KIF3C: variants seen among roughly 807,000 people sequenced by gnomAD.
KIF3C encodes kinesin family member 3C.
In KIF3C, 12 loss-of-function variants were observed where a neutral mutation model predicts 67.7. The ratio of observed to expected loss-of-function variants is 0.18; its 90% CI spans 0.11 to 0.29. KIF3C has a LOEUF of 0.29. Among genes scored for constraint, KIF3C ranks in the 10% least tolerant of loss-of-function variants. The pLI, the probability that KIF3C is intolerant of heterozygous loss-of-function variation, is 1.00. For synonymous variants in KIF3C, 393 were observed against 426.2 expected (o/e 0.92, Z 0.96); for missense variants, 789 against 1,059.6 (o/e 0.74, Z 3.55).
At chr2:25,970,277 A>G (rs1200996523) in intron 1 of KIF3C, among the ~76,000 whole-genome samples, 1 of 152,174 alleles carries the variant, frequency 6.6e-6, no homozygotes, top group African/African-American at 2.4e-5. Flanking sequence ...CGAACTTGGA[A>G]TGTTCATTCC....
rs559414404 is a variant in KIF3C at position 25,960,766 on chromosome 2, T to C, written c.1546-4322A>G. On this transcript the variant is annotated intron_variant, in intron 1 of 7. Transcript: ENST00000264712. ...AGCCCAAGTAACATGGCAAAACCCG[T>C]CTCTATAAAAAATATAAAAATGGGT... Among the ~76,000 whole-genome samples the C allele has an allele frequency of 5.3e-5, 8 of 152,154 alleles. No individual in the cohort carries two copies. The East Asian group carries it at 1.5e-3, about 29-fold the overall frequency.
rs1314485337 is a variant in KIF3C at position 25,929,436 on chromosome 2, T to C, written c.2157A>G (p.Pro719=). 6.2e-7 allele frequency: 1 copy of C among 1,614,144 alleles called. No homozygotes were observed. The highest frequency in any genetic ancestry group is 8.5e-7 in the Non-Finnish European group (1 of 1,179,998). The change falls in exon 7 of 8, where the codon CCA becomes CCG. Residue 719 remains proline (P), a synonymous_variant. Transcript: ENST00000264712. ...IMFLELDVSP[P]AVFEMEFSHD... is the part of the protein sequence containing the mutation. ...GAGAGAATTCCATCTCAAAGACAGC[T>C]GGAGGGGACACATCCAACTCCAGAA... is the stretch of plus-strand genomic sequence containing the variant.
intron 5 of KIF3C, among the ~76,000 whole-genome samples, chr2:25,946,573 G>C (rs190767949): frequency 1.1e-4 from 16 of 152,054 alleles, no homozygotes; most frequent in African/African-American, 3.9e-4. Context: ...CTGTAATCCC[G>C]GTTACTCAGG....
rs764256653 is a variant in KIF3C, at chr2:25,929,944, C to T, written c.2115+11G>A. The T allele has an allele frequency of 6.3e-7, 1 of 1,593,306 alleles. No homozygotes were observed. The highest frequency in any genetic ancestry group is 2.2e-5 in the East Asian group (1 of 44,778). ...CTCCCGTAGGCTCTTTCTCCCCTCT[C>T]CGCTTCTTACCCTGTACCTGGGGTG... On this transcript the variant is annotated intron_variant, in intron 6 of 7. Transcript: ENST00000264712.
chr2:25,950,568 C>T (rs757919069), intron 5 of KIF3C, among the ~76,000 whole-genome samples: 7 of 152,202 alleles, frequency 4.6e-5, no homozygotes, highest in South Asian at 2.1e-4. Context: ...AGTGAAGCCT[C>T]GCCAGCATCC....
In KIF3C at chr2:25,929,464, AT is replaced by A. The variant is rs1559546322; in HGVS notation, c.2128del (p.Met710CysfsTer95). The A allele has an allele frequency of 6.2e-7, 1 of 1,614,010 alleles. No homozygotes were observed. ...AGGGGACACATCCAACTCCAGAAAC[AT>A]TATGTTTTCAGCCTGTGGTGGGAAT... ...SHPRYRAENI[M>X]FLELDVSPPA... is the part of the protein sequence containing the mutation. On this transcript the variant is annotated frameshift_variant, in exon 7 of 8. Transcript: ENST00000264712. LOFTEE classifies it high-confidence loss of function.
chr2:25,938,126 G>A (rs1663186920), intron 5 of KIF3C: 1 of 317,486 alleles, frequency 3.1e-6, no homozygotes, highest in African/African-American at 2.2e-5. Flanking sequence ...ACTTTAGGAG[G>A]ACAAGACAGG....
rs965425901 is a variant in KIF3C at position 25,958,026 on chromosome 2, C to T, written c.1546-1582G>A. Among the ~76,000 whole-genome samples the T allele has an allele frequency of 1.3e-5, 2 of 152,228 alleles. No homozygotes were observed. Among genetic ancestry groups the T allele is most frequent in the African/African-American group, 4.8e-5 (2 of 41,462 alleles). ...GCAGGACCATGAGAGGGAAGAATCC[C>T]TTACACTGCATCCTCAGCGACTCAC... On this transcript the variant is annotated intron_variant, in intron 1 of 7. Transcript: ENST00000264712. The surrounding 1 kb of genome is among the most constrained non-coding windows in gnomAD (Gnocchi z 4.5).
At chr2:25,948,620 AAG>A (rs780246690) in intron 5 of KIF3C, among the ~76,000 whole-genome samples, 1 of 147,224 alleles carries the variant, frequency 6.8e-6, no homozygotes, top group Non-Finnish European at 1.5e-5. Flanking sequence ...GAGAAAGAGA[AAG>A]AGAGAAAGAG....
At chr2:25,929,216 A>G in intron 7 of KIF3C, 89 bp downstream of exon 7, 2 of 1,486,340 alleles carry the variant, frequency 1.3e-6, no homozygotes, top group Non-Finnish European at 9.3e-7. Context: ...CCCTTCGGGT[A>G]CCAGCAAAAC....
chr2:25,969,708 G>C (rs576625949), intron 1 of KIF3C, among the ~76,000 whole-genome samples: 7 of 148,902 alleles, frequency 4.7e-5, no homozygotes, highest in African/African-American at 1.8e-4. Flanking sequence ...TACTTAAAAA[G>C]ATTTGTTGGG....
Position 25,929,280 on chromosome 2 carries a change from T to C in KIF3C, c.2288+25A>G, listed in dbSNP as rs764176756. The C allele has an allele frequency of 3.1e-6, 5 of 1,606,356 alleles. No individual in the cohort carries two copies. The Admixed American group carries it at 6.7e-5, about 21-fold the overall frequency. ...TTCCCCTGCCTCCTGGGTCCAGTGC[T>C]GCCTGGGACCATGGAGGTACTGACC... On this transcript the variant is annotated intron_variant, in intron 7 of 7. Coordinates refer to ENST00000264712, the MANE Select transcript of KIF3C (RefSeq NM_002254.8).
chr2:25,952,313 GTTAA>G (rs1052711010), intron 4 of KIF3C, among the ~76,000 whole-genome samples: 24 of 151,518 alleles, frequency 1.6e-4, no homozygotes, highest in Non-Finnish European at 3.4e-4. Context: ...AAAAAAATAA[GTTAA>G]TTAATTATTT....
intron 5 of KIF3C, among the ~76,000 whole-genome samples, chr2:25,939,925 G>A (rs1663240977): frequency 6.6e-6 from 1 of 151,822 alleles, no homozygotes; most frequent in African/African-American, 2.4e-5. Flanking sequence ...ACTCCAGCCC[G>A]GGTGACAGAG....
chr2:25,954,536 A>C (rs1663756458), intron 3 of KIF3C, 151 bp from the exon 4 acceptor site: 1 of 622,084 alleles, frequency 1.6e-6, no homozygotes. Flanking sequence ...CGCTGTGCCC[A>C]ACCCACCACG....
chr2:25,955,743 C>A lies in KIF3C; in HGVS notation c.1648-80G>T. On this transcript the variant is annotated intron_variant, in intron 2 of 7. Coordinates refer to ENST00000264712, the MANE Select transcript of KIF3C (RefSeq NM_002254.8). This position sits in a 1 kb window ranked among gnomAD's most constrained non-coding sequence, Gnocchi z 5.0. ...CAGGAAAGCTCAGGGGACTGGCTCA[C>A]TCTGCCTGTCTCGGGACCTGGCTTC... is the stretch of plus-strand genomic sequence containing the variant. The A allele has an allele frequency of 2.6e-6, 4 of 1,531,758 alleles. No homozygotes were observed. The South Asian group carries it at 4.8e-5, about 18-fold the overall frequency. The allele number at this position is 1,531,758 out of a possible 1,614,324, so 94.9% of individuals were successfully genotyped here. A position where few individuals can be genotyped will look rare whatever the true frequency, so the allele number is the denominator to read the frequency against.
intron 5 of KIF3C, among the ~76,000 whole-genome samples, chr2:25,933,457 G>T (rs1479003834): frequency 6.6e-6 from 1 of 151,928 alleles, no homozygotes; most frequent in East Asian, 1.9e-4. Context: ...GATCCCTTGA[G>T]CCCAGAAATT....
intron 1 of KIF3C, among the ~76,000 whole-genome samples, chr2:25,956,803 T>C (rs1254116577): frequency 1.3e-5 from 2 of 151,914 alleles, no homozygotes; most frequent in African/African-American, 4.8e-5. Context: ...GTGTTGAGGA[T>C]TGGGAAAGAT....
At chr2:25,969,115 C>T (rs1203320476) in intron 1 of KIF3C, among the ~76,000 whole-genome samples, 4 of 152,136 alleles carry the variant, frequency 2.6e-5, no homozygotes, top group Non-Finnish European at 5.9e-5. Flanking sequence ...TGAGCCACCG[C>T]GTCCGGTCAG....
Sources: allele counts gnomAD v4.1 joint callset (sites outside exome capture counted in the v4.1 genomes callset), GRCh38; gene constraint gnomAD v4.1.1; non-coding constraint Gnocchi (gnomAD v3.1); transcripts MANE v1.5; gene names NCBI Gene and HGNC (gene_info 2026-07-23, HGNC 2026-07-21).